HIPK1: variants seen among roughly 807,000 people sequenced by gnomAD.
The protein encoded by HIPK1 is homeodomain-interacting protein kinase 1.
Under a neutral mutation model 117.1 loss-of-function variants are expected in HIPK1, and 28 were observed. The ratio of observed to expected loss-of-function variants is 0.24; its 90% confidence interval spans 0.18 to 0.33. The LOEUF (loss-of-function observed/expected upper bound fraction) is 0.33, where lower values mean the gene tolerates loss of function less well. Ranked by LOEUF, HIPK1 falls within the 10% of genes least tolerant of loss-of-function variation. HIPK1 has a pLI of 1.00. For synonymous variants in HIPK1, 605 were observed against 562.5 expected (o/e 1.08, Z -1.07); for missense variants, 1,122 against 1,475.1 (o/e 0.76, Z 3.92).
At chr1:113,950,161 G>A (rs1453722326) in intron 2 of HIPK1, among the ~76,000 whole-genome samples, 1 of 151,964 alleles carries the variant, frequency 6.6e-6, no homozygotes, top group African/African-American at 2.4e-5. Context: ...GATGGGGAGG[G>A]ATATTCTTAT....
chr1:113,931,168 G>GT (rs35159791), intron 1 of HIPK1, among the ~76,000 whole-genome samples: 2,079 of 136,964 alleles, frequency 0.015, 44 homozygotes, highest in African/African-American at 0.045. Flanking sequence ...TGGTCTGTGG[G>GT]TTTTTTTTTT....
intron 2 of HIPK1, among the ~76,000 whole-genome samples, chr1:113,945,091 T>C (rs909680349): frequency 2.0e-5 from 3 of 151,124 alleles, no homozygotes; most frequent in Admixed American, 6.6e-5. Context: ...TCAAGTGATA[T>C]GCCCGCCTCG....
chr1:113,976,618 T>G lies in HIPK1; in HGVS notation c.*3106T>G, dbSNP rs1276380421. 2.0e-5 allele frequency: 3 copies of G among 152,818 alleles called. No homozygotes were observed. The allele number at this position is 152,818 out of a possible 1,614,324, so 9.5% of individuals were successfully genotyped here. ...AAAACTAGAGATTTTTCAGTCTTAGTCTGCAAACTGGCATTTCCGATTTTC... is the reference window on the plus strand; with the variant it reads ...AAAACTAGAGATTTTTCAGTCTTAGGCTGCAAACTGGCATTTCCGATTTTC... On this transcript the variant is annotated 3_prime_UTR_variant, in exon 16 of 16. Transcript: ENST00000426820.
intron 2 of HIPK1, chr1:113,951,275 A>G (rs1671347052): frequency 2.0e-6 from 2 of 984,082 alleles, no homozygotes; most frequent in Non-Finnish European, 2.4e-6. Flanking sequence ...CATGTCAAAT[A>G]TAAATTTACA....
At chr1:113,959,055 G>A (rs1671916009) in intron 8 of HIPK1, among the ~76,000 whole-genome samples, 1 of 151,902 alleles carries the variant, frequency 6.6e-6, no homozygotes, top group Admixed American at 6.6e-5. Flanking sequence ...TTAATCATTT[G>A]GTAAGCCATT....
At position 113,976,534 on chromosome 1, in the gene HIPK1, GATA is replaced by G. The variant is rs1466013832; in HGVS notation, c.*3026_*3028del. On this transcript the variant is annotated 3_prime_UTR_variant, in exon 16 of 16. Coordinates refer to ENST00000426820, the MANE Select transcript of HIPK1 (RefSeq NM_198268.3). ...TAGGAGTCTAAACTCCACAGAAAAG[GATA>G]ATACCAAGAGCTTGTATTGTTACCT... is the stretch of plus-strand genomic sequence containing the variant. 3 of 152,764 alleles carry G rather than the reference GATA, an allele frequency of 2.0e-5. No homozygotes were observed. The highest frequency in any genetic ancestry group is 4.4e-5 in the Non-Finnish European group (3 of 68,036). The allele number at this position is 152,764 out of a possible 1,614,324, so 9.5% of individuals were successfully genotyped here.
rs1386079108 is a variant in HIPK1, at chr1:113,976,517, T to C, written c.*3005T>C. 1 of 152,810 alleles carries C rather than the reference T, an allele frequency of 6.5e-6. No individual in the cohort carries two copies. The highest frequency in any genetic ancestry group is 1.5e-5 in the Non-Finnish European group (1 of 68,036). 9.5% of individuals were successfully genotyped at this position (152,810 alleles called of 1,614,324 possible). A position where few individuals can be genotyped will look rare whatever the true frequency, so the allele number is the denominator to read the frequency against. On this transcript the variant is annotated 3_prime_UTR_variant, in exon 16 of 16. Coordinates refer to ENST00000426820, the MANE Select transcript of HIPK1 (RefSeq NM_198268.3). ...GCAGATACCACTTAAGATAGGAGTC[T>C]AAACTCCACAGAAAAGGATAATACC... is the stretch of plus-strand genomic sequence containing the variant.
chr1:113,950,119 A>G (rs961483327), intron 2 of HIPK1, among the ~76,000 whole-genome samples: 1 of 149,742 alleles, frequency 6.7e-6, no homozygotes, highest in Non-Finnish European at 1.5e-5. Flanking sequence ...CTAGGGGAGG[A>G]TTTTTTTTTT....
At position 113,929,674 on chromosome 1, in the gene HIPK1, C is replaced by A. The variant is rs991192076; in HGVS notation, c.-3+142C>A. 133 of 890,768 alleles carry A rather than the reference C, an allele frequency of 1.5e-4. No individual in the cohort carries two copies. The Admixed American group carries it at 3.1e-3, about 21-fold the overall frequency. 55.2% of individuals were successfully genotyped at this position (890,768 alleles called of 1,614,324 possible). On this transcript the variant is annotated intron_variant, in intron 1 of 15. Coordinates refer to ENST00000426820, the MANE Select transcript of HIPK1 (RefSeq NM_198268.3). ...CAAGGGGCCCGGCGGTAGCCCCGGA[C>A]GGCAGCAGGAGGCCGAGGCGGGAGC...
intron 3 of HIPK1, 72 bp from the exon 4 acceptor site, chr1:113,954,579 G>A: frequency 1.3e-6 from 2 of 1,518,018 alleles, no homozygotes; most frequent in Non-Finnish European, 1.8e-6. Context: ...AGTTAATGAT[G>A]TTTTAGTGTA....
Position 113,956,724 on chromosome 1 carries a change from A to G in HIPK1, c.1505A>G (p.Asp502Gly). Residue 502 changes from aspartate (D) to glycine (G), a missense_variant, in exon 6 of 16, where the codon GAT becomes GGT. This residue lies in a region of HIPK1 where 127 missense variants were observed against 197.9 expected (regional missense o/e 0.64). Coordinates refer to ENST00000426820, the MANE Select transcript of HIPK1 (RefSeq NM_198268.3). ...IDLLKKMLTI[D>G]ADKRITPLKT... The stretch of plus-strand genomic sequence containing the variant: ...CTGTTAAAGAAAATGCTCACAATTG[A>G]TGCAGATAAGAGAATTACCCCTCTA... 6.2e-7 allele frequency: 1 copy of G among 1,613,982 alleles called. No individual in the cohort carries two copies. Among genetic ancestry groups the G allele is most frequent in the Non-Finnish European group, 8.5e-7 (1 of 1,179,822 alleles).
chr1:113,931,372 A>G (rs1407181079), intron 1 of HIPK1, among the ~76,000 whole-genome samples: 3 of 152,212 alleles, frequency 2.0e-5, no homozygotes, highest in Admixed American at 6.5e-5. Flanking sequence ...GAAGGGTGGC[A>G]TTGACTTTAA....
At chr1:113,937,162 C>G (rs748770438) in intron 1 of HIPK1, among the ~76,000 whole-genome samples, 20 of 151,826 alleles carry the variant, frequency 1.3e-4, no homozygotes, top group South Asian at 1.0e-3. Flanking sequence ...ACTTTTTTTT[C>G]TCTTCAAAGT....
intron 1 of HIPK1, among the ~76,000 whole-genome samples, chr1:113,938,983 A>T (rs1670462699): frequency 6.7e-6 from 1 of 149,794 alleles, no homozygotes; most frequent in Admixed American, 6.8e-5. Context: ...GGAATGGATA[A>T]GATAGAGATT....
chr1:113,945,883 A>G (rs901969968), intron 2 of HIPK1, among the ~76,000 whole-genome samples: 3 of 152,098 alleles, frequency 2.0e-5, no homozygotes, highest in Admixed American at 2.0e-4. Flanking sequence ...TTATACAAAA[A>G]CCATAATTGC....
At chr1:113,932,729 G>A (rs1669980317) in intron 1 of HIPK1, among the ~76,000 whole-genome samples, 1 of 152,052 alleles carries the variant, frequency 6.6e-6, no homozygotes, top group Non-Finnish European at 1.5e-5. Flanking sequence ...AATCTTTAAG[G>A]TCCCTTTTAT....
Position 113,963,445 on chromosome 1 carries a change from C to T in HIPK1, c.2162C>T (p.Pro721Leu). ...CACCCTCAAGTAGCCACCATCACACCGCAGTATGCGGTGCCCTTTACTCTG... is the reference window on the plus strand; with the variant it reads ...CACCCTCAAGTAGCCACCATCACACTGCAGTATGCGGTGCCCTTTACTCTG... Reference protein sequence around the residue: ...TLHPQVATITPQYAVPFTLSC... With the variant: ...TLHPQVATITLQYAVPFTLSC... The change falls in exon 10 of 16, where the codon CCG (proline) becomes CTG (leucine). Residue 721 changes from proline (P) to leucine (L), a missense_variant. Physicochemically the swap from Pro to Leu is moderately conservative, Grantham distance 98 (BLOSUM62 -3). Transcript: ENST00000426820. The T allele has an allele frequency of 1.2e-6, 2 of 1,614,186 alleles. No individual in the cohort carries two copies. Among genetic ancestry groups the T allele is most frequent in the Non-Finnish European group, 1.7e-6 (2 of 1,180,022 alleles).
chr1:113,947,560 C>T (rs576593865), intron 2 of HIPK1, among the ~76,000 whole-genome samples: 3 of 152,214 alleles, frequency 2.0e-5, no homozygotes, highest in Admixed American at 1.3e-4. Context: ...AAGAAAGAAA[C>T]GAAAATGTTC....
At chr1:113,957,960 A>C in intron 7 of HIPK1, 106 bp from the exon 8 acceptor site, 1 of 853,074 alleles carries the variant, frequency 1.2e-6, no homozygotes, top group Non-Finnish European at 1.8e-6. Flanking sequence ...TTAACATTAC[A>C]TTTTAAAACA....
Sources: gnomAD v4.1 joint callset for allele counts (sites outside exome capture counted in the v4.1 genomes callset) on GRCh38, gnomAD v4.1.1 for gene constraint, gnomAD v4.1.1 regional missense constraint, MANE v1.5 for transcripts, NCBI Gene and HGNC (gene_info 2026-07-23, HGNC 2026-07-21) for gene names.